The following SLC39A8 variants were observed in gnomAD, a reference collection of about 807,000 sequenced individuals.
SLC39A8 encodes the protein metal cation symporter ZIP8.
Under a neutral mutation model 40.4 loss-of-function variants are expected in SLC39A8, and 15 were observed. The observed-to-expected ratio is 0.37, with a 90% CI of 0.25 to 0.57. SLC39A8 has a LOEUF of 0.57. SLC39A8 is among the 20% of genes least tolerant of loss of function. The probability of loss-of-function intolerance (pLI) is 0.75; values close to 1 mark genes in which losing one functional copy is unlikely to be tolerated. For synonymous variants in SLC39A8, 223 were observed against 221.6 expected (o/e 1.01, Z -0.06); for missense variants, 472 against 558.8 (o/e 0.84, Z 1.57).
intron 6 of SLC39A8, among the ~76,000 whole-genome samples, chr4:102,300,643 T>C (rs1733884276): frequency 6.6e-6 from 1 of 152,064 alleles, no homozygotes; most frequent in Non-Finnish European, 1.5e-5. Context: ...ATTTTCAATT[T>C]GGAAAAACTT....
intron 6 of SLC39A8, among the ~76,000 whole-genome samples, chr4:102,283,971 T>C (rs431451): frequency 0.16 from 24,826 of 152,144 alleles, 2,350 homozygotes; most frequent in Middle Eastern, 0.24. Flanking sequence ...GGATGGTTCC[T>C]TCTTACAATT....
At chr4:102,264,598 T>C (rs1316834413) in intron 8 of SLC39A8, among the ~76,000 whole-genome samples, 1 of 117,552 alleles carries the variant, frequency 8.5e-6, no homozygotes, top group Admixed American at 8.6e-5. Flanking sequence ...CCTTTGAAGA[T>C]TTGAAACCAG....
chr4:102,332,337 C>T (rs1735503312), intron 2 of SLC39A8, among the ~76,000 whole-genome samples: 1 of 152,086 alleles, frequency 6.6e-6, no homozygotes. Flanking sequence ...ACAAACAACC[C>T]CACCAAAAAC....
intron 4 of SLC39A8, 67 bp downstream of exon 4, chr4:102,307,369 A>T (rs970308785): frequency 2.2e-5 from 35 of 1,558,306 alleles, no homozygotes; most frequent in Non-Finnish European, 3.0e-5. Flanking sequence ...GAGGCTAAAA[A>T]CATACAAAGT....
downstream of SLC39A8, among the ~76,000 whole-genome samples, chr4:102,258,224 C>A (rs1731758050): frequency 6.6e-6 from 1 of 151,934 alleles, no homozygotes; most frequent in Non-Finnish European, 1.5e-5. Context: ...CCTGCCTCAG[C>A]CTCCCGAGTA....
At chr4:102,276,029 A>G (rs568906832) in intron 6 of SLC39A8, among the ~76,000 whole-genome samples, 2 of 152,222 alleles carry the variant, frequency 1.3e-5, no homozygotes, top group African/African-American at 4.8e-5. Flanking sequence ...CACAGGAGAA[A>G]GTGGAAAAGA....
intron 6 of SLC39A8, among the ~76,000 whole-genome samples, chr4:102,303,878 GATATAA>G (rs1165648821): frequency 1.3e-5 from 2 of 151,710 alleles, no homozygotes; most frequent in Non-Finnish European, 2.9e-5. Flanking sequence ...AGAAGATGTG[GATATAA>G]ATATAAATTA....
intron 11 of SLC39A8, among the ~76,000 whole-genome samples, chr4:102,256,240 G>A (rs183806703): frequency 7.6e-4 from 116 of 152,230 alleles, no homozygotes; most frequent in African/African-American, 2.6e-3. Context: ...CAGCAGTCCC[G>A]GTGTTCTCAC....
At chr4:102,328,006 T>C (rs1180179312) in intron 2 of SLC39A8, among the ~76,000 whole-genome samples, 1 of 152,124 alleles carries the variant, frequency 6.6e-6, no homozygotes, top group Non-Finnish European at 1.5e-5. Flanking sequence ...GTAAAGAATA[T>C]AGTAATGGGC....
At chr4:102,338,461 C>T (rs1157417000) in intron 2 of SLC39A8, among the ~76,000 whole-genome samples, 1 of 152,188 alleles carries the variant, frequency 6.6e-6, no homozygotes, top group African/African-American at 2.4e-5. Context: ...GCTGGGATTA[C>T]AGGCGTTAGC....
intron 6 of SLC39A8, among the ~76,000 whole-genome samples, chr4:102,287,988 C>A (rs1051261295): frequency 3.9e-5 from 6 of 152,100 alleles, no homozygotes; most frequent in Non-Finnish European, 8.8e-5. Context: ...ATCACACCAC[C>A]AACTACCACC....
chr4:102,272,107 G>A (rs181468023), intron 6 of SLC39A8, among the ~76,000 whole-genome samples: 45 of 152,178 alleles, frequency 3.0e-4, no homozygotes, highest in Non-Finnish European at 5.1e-4. Flanking sequence ...GGGATGCCAA[G>A]GGGGAGGACT....
chr4:102,268,529 C>T (rs80176743), intron 6 of SLC39A8, among the ~76,000 whole-genome samples: 11,442 of 152,264 alleles, frequency 0.075, 609 homozygotes, highest in South Asian at 0.15. Context: ...TTTGTTCTAA[C>T]CCCTCCTATG....
At position 102,315,810 on chromosome 4, in the gene SLC39A8, G is replaced by A; in HGVS notation, c.240C>T (p.Ile80=). 6.2e-7 allele frequency: 1 copy of A among 1,611,470 alleles called. No individual in the cohort carries two copies. Among genetic ancestry groups the A allele is most frequent in the East Asian group, 2.2e-5 (1 of 44,786 alleles). The change falls in exon 3 of 9, where the codon ATC becomes ATT. Residue 80 remains isoleucine, a synonymous_variant. Transcript: ENST00000356736. ...CATTTGAAAAGCCATGAAGGGAAAA[G>A]ATCTCTTCAGCAGTTAAACACTGAA... is the stretch of plus-strand genomic sequence containing the variant. ...HFNQCLTAEE[I]FSLHGFSNAT... is the part of the protein sequence containing the mutation.
At position 102,307,561 on chromosome 4, in the gene SLC39A8, A is replaced by T; in HGVS notation, c.427T>A (p.Ser143Thr). 1 of 1,613,462 alleles carries T rather than the reference A, an allele frequency of 6.2e-7. No individual in the cohort carries two copies. Among genetic ancestry groups the T allele is most frequent in the Non-Finnish European group, 8.5e-7 (1 of 1,179,608 alleles). Reference sequence around the variant, plus strand: ...GGAGTCAAAATCAATCCGAGGAGAGATGCCAGATTAATAATCGTCACTGAC... The same window carrying T: ...GGAGTCAAAATCAATCCGAGGAGAGTTGCCAGATTAATAATCGTCACTGAC... ...FLSVTIINLASLLGLILTPLI... is the reference protein window; with the variant it reads ...FLSVTIINLATLLGLILTPLI... The change falls in exon 4 of 9, where the codon TCT becomes ACT. Residue 143 changes from serine to threonine, a missense_variant. Ser to Thr is a moderately conservative substitution (Grantham distance 58). Around this residue, in one of 4 missense-constraint regions of SLC39A8, gnomAD observed 239 missense variants for 317.9 expected, o/e 0.75. Transcript: ENST00000356736.
intron 6 of SLC39A8, among the ~76,000 whole-genome samples, chr4:102,273,621 T>G (rs528025498): frequency 1.1e-4 from 17 of 152,322 alleles, no homozygotes; most frequent in African/African-American, 3.6e-4. Context: ...CCTCCTCAAG[T>G]GGGTCCCTGA....
chr4:102,321,381 AT>A (rs1276482899), intron 2 of SLC39A8, among the ~76,000 whole-genome samples: 3 of 152,170 alleles, frequency 2.0e-5, no homozygotes, highest in African/African-American at 7.2e-5. Context: ...CAGTGGGAGA[AT>A]AGGATGGAGC....
chr4:102,276,612 G>A (rs1248235790), intron 6 of SLC39A8, among the ~76,000 whole-genome samples: 1 of 152,130 alleles, frequency 6.6e-6, no homozygotes, highest in Non-Finnish European at 1.5e-5. Flanking sequence ...AATAGAAAAA[G>A]AGGGACTCTT....
Position 102,304,989 on chromosome 4 carries a change from C to A in SLC39A8, c.675G>T (p.Gln225His). The change falls in exon 5 of 9, where the codon CAG (glutamine) becomes CAT (histidine). Residue 225 changes from glutamine (Q) to histidine (H), a missense_variant and splice_region_variant. By Grantham distance (24) the Gln-to-His change is conservative. Around this residue, in one of 4 missense-constraint regions of SLC39A8, gnomAD observed 239 missense variants for 317.9 expected, o/e 0.75. Coordinates refer to ENST00000356736, the MANE Select transcript of SLC39A8 (RefSeq NM_001135146.2). ...MLKMLLKTYG[Q>H]NGHTHFGNDN... ...GATGTTTTAAATAAAGTCCATTTAC[C>A]TGACCATATGTCTTTAATAACATCT... The A allele has an allele frequency of 6.3e-7, 1 of 1,598,082 alleles. No individual in the cohort carries two copies. The highest frequency in any genetic ancestry group is 1.3e-5 in the African/African-American group (1 of 74,210).
Sources: gnomAD v4.1 joint callset for allele counts (sites outside exome capture counted in the v4.1 genomes callset) on GRCh38, gnomAD v4.1.1 for gene constraint, gnomAD v4.1.1 regional missense constraint, MANE v1.5 for transcripts, NCBI Gene and HGNC (gene_info 2026-07-23, HGNC 2026-07-21) for gene names.